GUCY2C: variants seen among roughly 807,000 people sequenced by gnomAD.
The protein encoded by GUCY2C is guanylyl cyclase C.
Under a neutral mutation model 131.1 loss-of-function variants are expected in GUCY2C, and 118 were observed. The observed-to-expected ratio is 0.90, with a 90% CI of 0.78 to 1.05. The LOEUF is 1.05. Among genes scored for constraint, GUCY2C ranks in the 50% least tolerant of loss-of-function variants. GUCY2C has a pLI of 0.00. For synonymous variants in GUCY2C, 452 were observed against 457.8 expected (o/e 0.99, Z 0.16); for missense variants, 1,161 against 1,304.4 (o/e 0.89, Z 1.69).
At chr12:14,668,820 G>A (rs1441581920) in intron 10 of GUCY2C, among the ~76,000 whole-genome samples, 1 of 152,076 alleles carries the variant, frequency 6.6e-6, no homozygotes, top group Non-Finnish European at 1.5e-5. Context: ...GCTGCTGATG[G>A]TGAGTGTGCA....
intron 1 of GUCY2C, 37 bp from the exon 2 acceptor site, chr12:14,688,100 G>T: frequency 8.2e-7 from 1 of 1,226,312 alleles, no homozygotes; most frequent in Non-Finnish European, 1.2e-6. Flanking sequence ...GAACACTAGT[G>T]TTATTTTTCA....
chr12:14,674,553 T>C (rs1948186609), intron 8 of GUCY2C, 72 bp downstream of exon 8: 1 of 1,399,566 alleles, frequency 7.1e-7, no homozygotes, highest in East Asian at 2.3e-5. Context: ...AAACCTTCTT[T>C]GTTGCCCCAA....
Position 14,612,903 on chromosome 12 carries a change from T to C in GUCY2C, c.*214A>G, listed in dbSNP as rs917348943. On this transcript the variant is annotated 3_prime_UTR_variant, in exon 27 of 27. Transcript: ENST00000261170. ...GGTAGAAGCTCCCTGGAACAACTGC[T>C]GGAATAAGGTTCCAGAGTGGAAGGT... 4.3e-6 allele frequency: 2 copies of C among 464,014 alleles called. No individual in the cohort carries two copies. The highest frequency in any genetic ancestry group is 3.5e-5 in the Admixed American group (1 of 28,198). 28.7% of individuals were successfully genotyped at this position (464,014 alleles called of 1,614,324 possible).
At chr12:14,669,107 T>G (rs1360973340) in intron 10 of GUCY2C, among the ~76,000 whole-genome samples, 1 of 152,172 alleles carries the variant, frequency 6.6e-6, no homozygotes, top group East Asian at 1.9e-4. Context: ...TCAAACCCGG[T>G]TTTCTGTGGA....
In GUCY2C at chr12:14,683,130, A is replaced by G. The variant is rs1421223789; in HGVS notation, c.523T>C (p.Trp175Arg). The G allele has an allele frequency of 4.3e-6, 7 of 1,613,370 alleles. No homozygotes were observed. The African/African-American group carries it at 9.3e-5, about 22-fold the overall frequency. The change falls in exon 4 of 27, where the codon TGG becomes CGG. Residue 175 changes from tryptophan to arginine, a missense_variant. Transcript: ENST00000261170. ...TTGAAGGGCAGATCGTTGGTTTTCCAAAAGTTAACCAAGAAGTACATCAAC... is the reference window on the plus strand; with the variant it reads ...TTGAAGGGCAGATCGTTGGTTTTCCGAAAGTTAACCAAGAAGTACATCAAC... The part of the protein sequence containing the change: ...RKLMYFLVNF[W>R]KTNDLPFKTY...
At chr12:14,663,965 CTG>C (rs1294182711) in intron 10 of GUCY2C, among the ~76,000 whole-genome samples, 8 of 152,152 alleles carry the variant, frequency 5.3e-5, no homozygotes, top group Non-Finnish European at 1.0e-4. Context: ...TATTTTAAAA[CTG>C]TTTTTGTTTA....
At chr12:14,668,985 C>T (rs1007140001) in intron 10 of GUCY2C, among the ~76,000 whole-genome samples, 5 of 152,156 alleles carry the variant, frequency 3.3e-5, no homozygotes, top group Non-Finnish European at 5.9e-5. Flanking sequence ...CTGGTCACCC[C>T]TCAGCCTGAT....
In GUCY2C at chr12:14,628,647, CA is replaced by C. The variant is rs774209533; in HGVS notation, c.2247del (p.Phe749LeufsTer16). The C allele has an allele frequency of 4.8e-6, 7 of 1,471,002 alleles. No homozygotes were observed. The highest frequency in any genetic ancestry group is 6.7e-6 in the Non-Finnish European group (7 of 1,049,798). The allele number at this position is 1,471,002 out of a possible 1,614,324, so 91.1% of individuals were successfully genotyped here. On this transcript the variant is annotated frameshift_variant and splice_region_variant, in exon 20 of 27. Transcript: ENST00000261170. LOFTEE classifies it high-confidence loss of function. The stretch of plus-strand genomic sequence containing the variant: ...TAAAAGTAAACATTTCAGCAATACC[CA>C]AATATCTTGGCAAGTGTAGTCTCAA... ...KKIETTLAKI[F>X]GLFHDQKNES...
At chr12:14,674,564 A>G (rs751295357) in intron 8 of GUCY2C, 61 bp downstream of exon 8, 3 of 1,517,898 alleles carry the variant, frequency 2.0e-6, no homozygotes, top group South Asian at 1.1e-5. Flanking sequence ...GTTGCCCCAA[A>G]TCCACTCAGA....
intron 11 of GUCY2C, among the ~76,000 whole-genome samples, chr12:14,657,232 GGAGT>G (rs1333640954): frequency 1.3e-5 from 2 of 152,118 alleles, no homozygotes; most frequent in Non-Finnish European, 2.9e-5. Flanking sequence ...TGACATAGAA[GGAGT>G]GAGGAAAAAA....
chr12:14,626,687 A>G lies in GUCY2C; in HGVS notation c.2250-772T>C, dbSNP rs537377887. On this transcript the variant is annotated intron_variant, in intron 20 of 26. Transcript: ENST00000261170. The stretch of plus-strand genomic sequence containing the variant: ...ATGGAACATTAACATTCTAATTTGT[A>G]TCATAAAATACAAATTAGTATAGTT... Among the ~76,000 whole-genome samples the G allele has an allele frequency of 5.3e-5, 8 of 152,356 alleles. No individual in the cohort carries two copies. The South Asian group carries it at 1.0e-3, about 20-fold the overall frequency.
In GUCY2C at chr12:14,676,904, A is replaced by G. The variant is rs534340677; in HGVS notation, c.898T>C (p.Ser300Pro). Residue 300 changes from serine (S) to proline (P), a missense_variant, in exon 7 of 27, where the codon TCT (serine) becomes CCT (proline). By Grantham distance (74) the Ser-to-Pro change is moderately conservative. Coordinates refer to ENST00000261170, the MANE Select transcript of GUCY2C (RefSeq NM_004963.4). ...YMKNVLVLTL[S>P]PGNSLLNSSF... ...CTATTTAGAAGGGAATTCCCAGGAG[A>G]CAGCGTCAGAACAAGGACATTTTTC... 5.7e-6 allele frequency: 9 copies of G among 1,573,230 alleles called. No individual in the cohort carries two copies. In the East Asian group the frequency reaches 1.8e-4, roughly 32 times the overall value.
chr12:14,690,740 A>C (rs1948559484), intron 1 of GUCY2C, among the ~76,000 whole-genome samples: 1 of 152,036 alleles, frequency 6.6e-6, no homozygotes. Flanking sequence ...ACAGGGTTTC[A>C]TCGTGTTAGC....
intron 15 of GUCY2C, 149 bp from the exon 16 acceptor site, chr12:14,645,464 G>A: frequency 1.7e-6 from 1 of 572,350 alleles, no homozygotes; most frequent in African/African-American, 1.9e-5. Flanking sequence ...TCATGAACCT[G>A]TGTTTTTTCC....
intron 1 of GUCY2C, among the ~76,000 whole-genome samples, chr12:14,695,056 G>T (rs139864440): frequency 1.3e-5 from 2 of 151,698 alleles, no homozygotes; most frequent in East Asian, 3.9e-4. Flanking sequence ...AATATCTGGC[G>T]GATATTATAT....
rs1165463712 is a variant in GUCY2C at position 14,641,066 on chromosome 12, A to G, written c.2068+16T>C. ...GCTCACTCCCAGAGGGGACACATGA[A>G]TGGGTTTAGATGTACCATTCCGGTC... On this transcript the variant is annotated intron_variant, in intron 18 of 26. Transcript: ENST00000261170. 3.7e-6 allele frequency: 6 copies of G among 1,611,730 alleles called. No homozygotes were observed. The highest frequency in any genetic ancestry group is 5.1e-6 in the Non-Finnish European group (6 of 1,178,894).
Position 14,641,130 on chromosome 12 carries a change from T to C in GUCY2C, c.2020A>G (p.Ile674Val). 2 of 1,613,808 alleles carry C rather than the reference T, an allele frequency of 1.2e-6. No homozygotes were observed. Among genetic ancestry groups the C allele is most frequent in the Non-Finnish European group, 1.7e-6 (2 of 1,179,866 alleles). Reference sequence around the variant, plus strand: ...GTGTAGAAGGTTTCTTTCCGCAGGATGATCTCCTGTGCGATGATCCCATAG... The same window carrying C: ...GTGTAGAAGGTTTCTTTCCGCAGGACGATCTCCTGTGCGATGATCCCATAG... ...YSYGIIAQEI[I>V]LRKETFYTLS... Residue 674 changes from isoleucine (I) to valine (V), a missense_variant, in exon 18 of 27, where the codon ATC (isoleucine) becomes GTC (valine). Transcript: ENST00000261170.
At chr12:14,638,074 T>C (rs1367554362) in intron 19 of GUCY2C, among the ~76,000 whole-genome samples, 1 of 152,146 alleles carries the variant, frequency 6.6e-6, no homozygotes, top group Non-Finnish European at 1.5e-5. Flanking sequence ...TAAACATTTC[T>C]CAAAAGAAGA....
rs74071203 is a variant in GUCY2C at position 14,692,201 on chromosome 12, C to T, written c.217+4031G>A. Among the ~76,000 whole-genome samples the T allele has an allele frequency of 9.6e-3, 1,469 of 152,250 alleles. 12 individuals are homozygous for T. Among genetic ancestry groups the T allele is most frequent in the African/African-American group, 0.032 (1,322 of 41,538 alleles). On this transcript the variant is annotated intron_variant, in intron 1 of 26. Coordinates refer to ENST00000261170, the MANE Select transcript of GUCY2C (RefSeq NM_004963.4). ...TTATTTTTTTCTACTCTCCTTCTCT[C>T]ATGAGCATATGATAAGTTCTCCAGA...
Sources: allele counts gnomAD v4.1 joint callset (sites outside exome capture counted in the v4.1 genomes callset), GRCh38; gene constraint gnomAD v4.1.1; transcripts MANE v1.5; gene names NCBI Gene and HGNC (gene_info 2026-07-23, HGNC 2026-07-21).